The following SCAF1 variants were observed in gnomAD, a reference collection of about 807,000 sequenced individuals.
SCAF1 encodes splicing factor, arginine/serine-rich 19.
A neutral mutation model predicts 91.2 loss-of-function variants in SCAF1; 28 were observed. The ratio of observed to expected loss-of-function variants is 0.31; its 90% CI spans 0.23 to 0.42. The LOEUF (loss-of-function observed/expected upper bound fraction) is 0.42. Among genes scored for constraint, SCAF1 ranks in the 10% least tolerant of loss-of-function variants. SCAF1 has a pLI of 1.00. For missense variants in SCAF1, 1,893 were observed against 1,872.1 expected (o/e 1.01, Z -0.21); for synonymous variants, 1,036 against 833.7 (o/e 1.24, Z -4.18).
chr19:49,654,829 G>C lies in SCAF1; in HGVS notation c.3577G>C (p.Glu1193Gln). Residue 1193 changes from glutamate to glutamine, a missense_variant, in exon 9 of 11, where the codon GAG (glutamate) becomes CAG (glutamine). Glu to Gln is a conservative substitution (Grantham distance 29, BLOSUM62 2). Transcript: ENST00000360565. ...GCTGGCTGCCACGTCTGACAAGAGA[G>C]AGGGCAGCAGCAGCTCTGAGGGCCG... ...TGLAATSDKR[E>Q]GSSSSEGRGD... The C allele has an allele frequency of 1.9e-6, 3 of 1,611,006 alleles. No homozygotes were observed. Among genetic ancestry groups the C allele is most frequent in the Non-Finnish European group, 2.5e-6 (3 of 1,178,236 alleles).
Position 49,652,828 on chromosome 19 carries a change from C to A in SCAF1, c.2439C>A (p.Val813=), listed in dbSNP as rs370588648. The change falls in exon 7 of 11, where the codon GTC becomes GTA. Residue 813 remains valine, a synonymous_variant. Coordinates refer to ENST00000360565, the MANE Select transcript of SCAF1 (RefSeq NM_021228.3). ...PSSGPPPKPP[V]SSGSGSSSSS... is the part of the protein sequence containing the mutation. The stretch of plus-strand genomic sequence containing the variant: ...CAGGGCCCCCGCCAAAGCCACCAGT[C>A]AGCAGCGGCTCAGGCTCTTCATCCT... The A allele has an allele frequency of 5.6e-6, 9 of 1,614,054 alleles. No individual in the cohort carries two copies. In the African/African-American group the frequency reaches 1.1e-4, roughly 19 times the overall value.
rs774535605 is a variant in SCAF1 at position 49,653,267 on chromosome 19, G to A, written c.2878G>A (p.Glu960Lys). Residue 960 changes from glutamate (E) to lysine (K), a missense_variant, in exon 7 of 11, where the codon GAG (glutamate) becomes AAG (lysine). By Grantham distance (56) the Glu-to-Lys change is moderately conservative. Transcript: ENST00000360565. The stretch of plus-strand genomic sequence containing the variant: ...CCAGGCGGCAGGCACCAAGGGGGCG[G>A]AGGAGACTTCCTGGTCCGGGGAGGA... ...CSQAAGTKGA[E>K]ETSWSGEERA... 1.3e-6 allele frequency: 2 copies of A among 1,481,528 alleles called. No homozygotes were observed. The highest frequency in any genetic ancestry group is 1.8e-6 in the Non-Finnish European group (2 of 1,114,532). 91.8% of individuals were successfully genotyped at this position (1,481,528 alleles called of 1,614,324 possible). A position where few individuals can be genotyped will look rare whatever the true frequency, so the allele number is the denominator to read the frequency against.
At position 49,657,707 on chromosome 19, in the gene SCAF1, G is replaced by A. The variant is rs983204358; in HGVS notation, c.3619-54G>A. On this transcript the variant is annotated intron_variant, in intron 9 of 10. Transcript: ENST00000360565. Reference sequence around the variant, plus strand: ...AGAGGCGAGTGGAGGTGGAGGTTCCGCAGGTACTCACTGGCCCTTGCTGTG... The same window carrying A: ...AGAGGCGAGTGGAGGTGGAGGTTCCACAGGTACTCACTGGCCCTTGCTGTG... 21 of 1,551,030 alleles carry A rather than the reference G, an allele frequency of 1.4e-5. No individual in the cohort carries two copies. The African/African-American group carries it at 1.5e-4, about 11-fold the overall frequency.
chr19:49,654,950 A>G, intron 9 of SCAF1, 80 bp downstream of exon 9: 2 of 1,147,028 alleles, frequency 1.7e-6, no homozygotes, highest in Admixed American at 5.7e-5. Context: ...GCGGGGGCCC[A>G]AGGAGAAAGG....
chr19:49,655,761 C>T (rs1163551334), intron 9 of SCAF1, among the ~76,000 whole-genome samples: 1 of 152,208 alleles, frequency 6.6e-6, no homozygotes, highest in East Asian at 1.9e-4. Context: ...GCCTTGATCT[C>T]TCGGGCTCAA....
Position 49,654,383 on chromosome 19 carries a change from C to T in SCAF1, c.3351C>T (p.Asn1117=), listed in dbSNP as rs750228969. The change falls in exon 8 of 11, where the codon AAC becomes AAT. Residue 1117 remains asparagine (N), a synonymous_variant. Transcript: ENST00000360565. The stretch of plus-strand genomic sequence containing the variant: ...TTCTCTTCAAGATGGAAGAAGCCAA[C>T]CTGGCGAGCCGAGCGAAGGCCCAGG... The part of the protein sequence containing the change: ...TALLFKMEEA[N]LASRAKAQEL... 2 of 1,613,496 alleles carry T rather than the reference C, an allele frequency of 1.2e-6. No individual in the cohort carries two copies. The highest frequency in any genetic ancestry group is 1.1e-5 in the South Asian group (1 of 91,064).
At chr19:49,654,241 T>G in intron 7 of SCAF1, 108 bp from the exon 8 acceptor site, 1 of 926,530 alleles carries the variant, frequency 1.1e-6, no homozygotes. Flanking sequence ...TTTGTGGCTG[T>G]TCTGGGGCCA....
Position 49,652,146 on chromosome 19 carries a change from G to C in SCAF1, c.1757G>C (p.Arg586Pro), listed in dbSNP as rs1160169227. The change falls in exon 7 of 11, where the codon CGC becomes CCC. Residue 586 changes from arginine (R) to proline (P), a missense_variant. Arg to Pro is a moderately radical substitution (Grantham distance 103). Coordinates refer to ENST00000360565, the MANE Select transcript of SCAF1 (RefSeq NM_021228.3). Reference protein sequence around the residue: ...SRSRSRSTRRRSRSTDRRRGG... With the variant: ...SRSRSRSTRRPSRSTDRRRGG... Reference sequence around the variant, plus strand: ...TCCCGCTCCCGCTCCACCCGCCGCCGCTCGCGCAGCACCGACCGCCGCCGC... The same window carrying C: ...TCCCGCTCCCGCTCCACCCGCCGCCCCTCGCGCAGCACCGACCGCCGCCGC... The C allele has an allele frequency of 1.2e-5, 13 of 1,089,438 alleles. No homozygotes were observed. In the South Asian group the frequency reaches 2.9e-4, roughly 24 times the overall value. The allele number at this position is 1,089,438 out of a possible 1,614,324, so 67.5% of individuals were successfully genotyped here. A position where few individuals can be genotyped will look rare whatever the true frequency, so the allele number is the denominator to read the frequency against.
chr19:49,656,087 G>A (rs1391934875), intron 9 of SCAF1, among the ~76,000 whole-genome samples: 5 of 152,262 alleles, frequency 3.3e-5, no homozygotes, highest in Admixed American at 3.3e-4. Flanking sequence ...CATCCTGTGT[G>A]AGCCGCAGAG....
rs182682442 is a variant in SCAF1, at chr19:49,652,713, G to A, written c.2324G>A (p.Gly775Glu). ...GGGTCTCGTCGGAAGGCGCTGGACG[G>A]GGGTGACCGGGATCGGGACAGGGAC... ...EKGSRRKALD[G>E]GDRDRDRDRD... The change falls in exon 7 of 11, where the codon GGG becomes GAG. Residue 775 changes from glycine to glutamate, a missense_variant. Physicochemically the swap from Gly to Glu is moderately conservative, Grantham distance 98. Around this residue, in one of 5 missense-constraint regions of SCAF1, gnomAD observed 1,436 missense variants for 1,306.8 expected, o/e 1.10. Transcript: ENST00000360565. 1,555 of 1,589,408 alleles carry A rather than the reference G, an allele frequency of 9.8e-4. 4 individuals are homozygous for A. The highest frequency in any genetic ancestry group is 3.0e-3 in the South Asian group (262 of 88,282).
intron 9 of SCAF1, 51 bp from the exon 10 acceptor site, chr19:49,657,710 G>A (rs1478437046): frequency 6.4e-7 from 1 of 1,557,110 alleles, no homozygotes; most frequent in Admixed American, 1.9e-5. Flanking sequence ...AGGTTCCGCA[G>A]GTACTCACTG....
chr19:49,654,416 C>A lies in SCAF1; in HGVS notation c.3384C>A (p.Ile1128=). 1 of 1,613,342 alleles carries A rather than the reference C, an allele frequency of 6.2e-7. No homozygotes were observed. The highest frequency in any genetic ancestry group is 1.1e-5 in the South Asian group (1 of 91,034). Residue 1128 remains isoleucine (I), a synonymous_variant, in exon 8 of 11, where the codon ATC becomes ATA. Transcript: ENST00000360565. ...LASRAKAQEL[I]QATNQILSHR... is the part of the protein sequence containing the mutation. ...GCCGAGCGAAGGCCCAGGAGCTGAT[C>A]CAGGCCACCAACCAGGTGGGCTCCC... is the stretch of plus-strand genomic sequence containing the variant.
chr19:49,643,551 C>G (rs1012933937), intron 1 of SCAF1, among the ~76,000 whole-genome samples: 1 of 152,192 alleles, frequency 6.6e-6, no homozygotes, highest in African/African-American at 2.4e-5. Context: ...TTCTTCTGTT[C>G]AGAAGATCTC....
Position 49,652,633 on chromosome 19 carries a change from G to A in SCAF1, c.2244G>A (p.Gln748=), listed in dbSNP as rs1213175009. 1.9e-5 allele frequency: 30 copies of A among 1,562,210 alleles called. No individual in the cohort carries two copies. The highest frequency in any genetic ancestry group is 2.4e-5 in the Non-Finnish European group (28 of 1,153,376). The stretch of plus-strand genomic sequence containing the variant: ...AGGAGCGGGGCGGCAAGAGCAGCCA[G>A]AAGGATCGGCGCCGCTCGGGGGCCG... ...SGEERGGKSS[Q]KDRRRSGAAS... Residue 748 remains glutamine, a synonymous_variant, in exon 7 of 11, where the codon CAG becomes CAA. Coordinates refer to ENST00000360565, the MANE Select transcript of SCAF1 (RefSeq NM_021228.3).
In SCAF1 at chr19:49,654,361, T is replaced by C; in HGVS notation, c.3329T>C (p.Leu1110Pro). 1 of 1,613,472 alleles carries C rather than the reference T, an allele frequency of 6.2e-7. No homozygotes were observed. The highest frequency in any genetic ancestry group is 8.5e-7 in the Non-Finnish European group (1 of 1,179,942). ...TSGVLALTAL[L>P]FKMEEANLAS... is the part of the protein sequence containing the mutation. ...CTGCCTCCTGCAGTGACTGCACTTCTCTTCAAGATGGAAGAAGCCAACCTG... is the reference window on the plus strand; with the variant it reads ...CTGCCTCCTGCAGTGACTGCACTTCCCTTCAAGATGGAAGAAGCCAACCTG... The change falls in exon 8 of 11, where the codon CTC (leucine) becomes CCC (proline). Residue 1110 changes from leucine to proline, a missense_variant. This residue lies in a region of SCAF1 where 1,436 missense variants were observed against 1,306.8 expected (regional missense o/e 1.10). Transcript: ENST00000360565.
In SCAF1 at chr19:49,652,238, C is replaced by G. The variant is rs866495895; in HGVS notation, c.1849C>G (p.Pro617Ala). The G allele has an allele frequency of 7.2e-7, 1 of 1,397,418 alleles. No individual in the cohort carries two copies. The highest frequency in any genetic ancestry group is 2.1e-4 in the Middle Eastern group (1 of 4,736). 86.6% of individuals were successfully genotyped at this position (1,397,418 alleles called of 1,614,324 possible). ...GCGGCGGCGCTCCGCCTCCCCGCCC[C>G]CGGCCACTTCCTCATCGTCGTCCTC... is the stretch of plus-strand genomic sequence containing the variant. ...RRRRRSASPP[P>A]ATSSSSSSRR... Residue 617 changes from proline to alanine, a missense_variant, in exon 7 of 11, where the codon CCG becomes GCG. Around this residue, in one of 5 missense-constraint regions of SCAF1, gnomAD observed 1,436 missense variants for 1,306.8 expected, o/e 1.10. Transcript: ENST00000360565.
At position 49,654,789 on chromosome 19, in the gene SCAF1, C is replaced by T. The variant is rs1447094303; in HGVS notation, c.3537C>T (p.Pro1179=). The T allele has an allele frequency of 5.6e-6, 9 of 1,612,840 alleles. No homozygotes were observed. Among genetic ancestry groups the T allele is most frequent in the Non-Finnish European group, 7.6e-6 (9 of 1,179,564 alleles). The part of the protein sequence containing the change: ...SLPLGGCGST[P]PTPTGLAATS... Reference sequence around the variant, plus strand: ...CTCTGGGGGGCTGCGGTTCGACCCCCCCCACCCCCACCGGGCTGGCTGCCA... The same window carrying T: ...CTCTGGGGGGCTGCGGTTCGACCCCTCCCACCCCCACCGGGCTGGCTGCCA... Residue 1179 remains proline, a synonymous_variant, in exon 9 of 11, where the codon CCC becomes CCT. Coordinates refer to ENST00000360565, the MANE Select transcript of SCAF1 (RefSeq NM_021228.3).
chr19:49,656,997 G>A (rs1056242820), intron 9 of SCAF1, among the ~76,000 whole-genome samples: 3 of 152,142 alleles, frequency 2.0e-5, no homozygotes, highest in Admixed American at 1.3e-4. Flanking sequence ...GCCACAAAAA[G>A]TACAAGAATT....
chr19:49,653,446 TG>T lies in SCAF1; in HGVS notation c.3061del (p.Ala1021ArgfsTer86). On this transcript the variant is annotated frameshift_variant, in exon 7 of 11. Transcript: ENST00000360565. LOFTEE classifies it high-confidence loss of function. ...CCACTGAGGAGGCTGGGGTCCGAGGTGGGGCGGAGGAGGAGGAGGAGGAAGA... is the reference window on the plus strand; with the variant it reads ...CCACTGAGGAGGCTGGGGTCCGAGGTGGGCGGAGGAGGAGGAGGAGGAAGA... ...EATEEAGVRG[G>X]AEEEEEEEEE... The T allele has an allele frequency of 6.5e-7, 1 of 1,542,000 alleles. No individual in the cohort carries two copies. The highest frequency in any genetic ancestry group is 8.7e-7 in the Non-Finnish European group (1 of 1,144,070).
Sources: allele counts gnomAD v4.1 joint callset (sites outside exome capture counted in the v4.1 genomes callset), GRCh38; gene constraint gnomAD v4.1.1; regional missense constraint gnomAD v4.1.1; transcripts MANE v1.5; gene names NCBI Gene and HGNC (gene_info 2026-07-23, HGNC 2026-07-21).